The following SLC9A4 variants were observed in gnomAD, a reference collection of about 807,000 sequenced individuals.
SLC9A4 encodes the protein solute carrier family 9 member A4.
In SLC9A4, 63 loss-of-function variants were observed where a neutral mutation model predicts 67.4. That is an observed-to-expected ratio of 0.93 (90% CI 0.76 to 1.15). The LOEUF is 1.15. Among genes scored for constraint, SLC9A4 ranks in the 50% most tolerant of loss-of-function variants. SLC9A4 has a pLI of 0.00. For synonymous variants in SLC9A4, 393 were observed against 367.2 expected (o/e 1.07, Z -0.80); for missense variants, 1,089 against 987.7 (o/e 1.10, Z -1.38).
At chr2:102,477,566 A>T (rs138481991) in intron 1 of SLC9A4, among the ~76,000 whole-genome samples, 171 of 152,302 alleles carry the variant, frequency 1.1e-3, no homozygotes, top group Non-Finnish European at 1.7e-3. Context: ...TGCACAAAAC[A>T]TAGTAGACAG....
intron 8 of SLC9A4, among the ~76,000 whole-genome samples, chr2:102,518,101 C>G (rs1361853388): frequency 6.6e-6 from 1 of 152,170 alleles, no homozygotes; most frequent in African/African-American, 2.4e-5. Context: ...TGCGGCTTCT[C>G]AGTGTGGCTC....
At position 102,479,221 on chromosome 2, in the gene SLC9A4, C is replaced by A. The variant is rs141370944; in HGVS notation, c.639C>A (p.Ala213=). ...ISAVDPVAVL[A]VFEEARVNEQ... Reference sequence around the variant, plus strand: ...CCGTGGACCCAGTGGCCGTGCTAGCCGTGTTTGAGGAAGCGCGCGTGAACG... The same window carrying A: ...CCGTGGACCCAGTGGCCGTGCTAGCAGTGTTTGAGGAAGCGCGCGTGAACG... The change falls in exon 2 of 12, where the codon GCC becomes GCA. Residue 213 remains alanine, a synonymous_variant. Coordinates refer to ENST00000295269, the MANE Select transcript of SLC9A4 (RefSeq NM_001011552.4). 1.9e-6 allele frequency: 3 copies of A among 1,614,162 alleles called. No homozygotes were observed. Among genetic ancestry groups the A allele is most frequent in the Non-Finnish European group, 1.7e-6 (2 of 1,180,036 alleles).
chr2:102,528,088 A>G (rs1332628186), intron 11 of SLC9A4, among the ~76,000 whole-genome samples: 1 of 151,950 alleles, frequency 6.6e-6, no homozygotes, highest in Non-Finnish European at 1.5e-5. Flanking sequence ...GCTCACTGTA[A>G]CCTCTGCCTC....
At chr2:102,498,125 C>A (rs1684849251) in intron 2 of SLC9A4, among the ~76,000 whole-genome samples, 1 of 152,210 alleles carries the variant, frequency 6.6e-6, no homozygotes, top group Non-Finnish European at 1.5e-5. Flanking sequence ...ATTGGCTGAG[C>A]TTTTCCCTTC....
At chr2:102,501,044 C>CT (rs11443915) in intron 2 of SLC9A4, among the ~76,000 whole-genome samples, 116,794 of 150,866 alleles carry the variant, frequency 0.77, 46,414 homozygotes, top group African/African-American at 0.93. Flanking sequence ...ACGGCAACCT[C>CT]GCCTCTCGGG....
At chr2:102,529,075 C>T (rs1052211419) in intron 11 of SLC9A4, among the ~76,000 whole-genome samples, 1 of 152,136 alleles carries the variant, frequency 6.6e-6, no homozygotes, top group East Asian at 1.9e-4. Flanking sequence ...AGTAGATGTG[C>T]AAGAAATATT....
chr2:102,514,505 G>C (rs373565440), intron 8 of SLC9A4, among the ~76,000 whole-genome samples: 13 of 152,150 alleles, frequency 8.5e-5, no homozygotes, highest in African/African-American at 2.2e-4. Flanking sequence ...TCTTTGGGAG[G>C]GAAGGGCAAG....
intron 11 of SLC9A4, among the ~76,000 whole-genome samples, chr2:102,528,063 A>G (rs948482219): frequency 6.6e-6 from 1 of 152,090 alleles, no homozygotes; most frequent in African/African-American, 2.4e-5. Context: ...GCTGGAATGC[A>G]GTGGAGCGAT....
chr2:102,479,794 T>C (rs978990465), intron 2 of SLC9A4, among the ~76,000 whole-genome samples: 2 of 152,180 alleles, frequency 1.3e-5, no homozygotes, highest in African/African-American at 4.8e-5. Context: ...TGTGAAAATG[T>C]GTTAGTTTTT....
At chr2:102,489,912 A>G (rs1052138603) in intron 2 of SLC9A4, among the ~76,000 whole-genome samples, 1 of 152,186 alleles carries the variant, frequency 6.6e-6, no homozygotes, top group South Asian at 2.1e-4. Context: ...TAAACTGCCC[A>G]TGACAGAGTT....
intron 6 of SLC9A4, 33 bp downstream of exon 6, chr2:102,508,966 A>G: frequency 1.3e-6 from 2 of 1,557,042 alleles, no homozygotes; most frequent in Non-Finnish European, 1.8e-6. Flanking sequence ...TTAATAAATT[A>G]ACAAGACATT....
chr2:102,508,247 C>A lies in SLC9A4; in HGVS notation c.1367C>A (p.Thr456Asn). The change falls in exon 5 of 12, where the codon ACT becomes AAT. Residue 456 changes from threonine to asparagine, a missense_variant. By Grantham distance (65) the Thr-to-Asn change is moderately conservative (BLOSUM62 0). Transcript: ENST00000295269. Reference protein sequence around the residue: ...FPRKKMFVTATLVVIYFTVFI... With the variant: ...FPRKKMFVTANLVVIYFTVFI... ...AGGAAGAAAATGTTTGTCACTGCTACTCTAGTAGTTATATACTTTACTGTA... is the reference window on the plus strand; with the variant it reads ...AGGAAGAAAATGTTTGTCACTGCTAATCTAGTAGTTATATACTTTACTGTA... The A allele has an allele frequency of 6.2e-7, 1 of 1,613,870 alleles. No homozygotes were observed. The highest frequency in any genetic ancestry group is 8.5e-7 in the Non-Finnish European group (1 of 1,179,816).
At chr2:102,474,732 C>T (rs1401150029) in intron 1 of SLC9A4, among the ~76,000 whole-genome samples, 1 of 152,206 alleles carries the variant, frequency 6.6e-6, no homozygotes, top group Non-Finnish European at 1.5e-5. Context: ...TCCCTAACTG[C>T]TCCTCCTTAT....
At chr2:102,480,053 A>G (rs143310021) in intron 2 of SLC9A4, among the ~76,000 whole-genome samples, 3 of 152,330 alleles carry the variant, frequency 2.0e-5, no homozygotes, top group African/African-American at 7.2e-5. Flanking sequence ...ACTTTCATAT[A>G]CTTTTCTTAT....
intron 2 of SLC9A4, among the ~76,000 whole-genome samples, chr2:102,488,306 C>T (rs1684629045): frequency 6.6e-6 from 1 of 152,076 alleles, no homozygotes; most frequent in South Asian, 2.1e-4. Context: ...TGCTGGCTGA[C>T]AAATAGTTTC....
At chr2:102,479,787 G>A (rs980203810) in intron 2 of SLC9A4, among the ~76,000 whole-genome samples, 4 of 152,174 alleles carry the variant, frequency 2.6e-5, no homozygotes, top group Admixed American at 2.6e-4. Flanking sequence ...ACAGATTTGT[G>A]AAAATGTGTT....
intron 9 of SLC9A4, among the ~76,000 whole-genome samples, chr2:102,523,272 C>A (rs1674582770): frequency 6.6e-6 from 1 of 152,118 alleles, no homozygotes; most frequent in South Asian, 2.1e-4. Context: ...CCTTGGCAGT[C>A]CAGTTTACAC....
chr2:102,487,233 G>C (rs1249570279), intron 2 of SLC9A4, among the ~76,000 whole-genome samples: 1 of 151,776 alleles, frequency 6.6e-6, no homozygotes, highest in Admixed American at 6.6e-5. Flanking sequence ...AGTAAACCAA[G>C]AGAGAGAGAA....
At position 102,483,448 on chromosome 2, in the gene SLC9A4, G is replaced by A. The variant is rs566427545; in HGVS notation, c.720+4146G>A. On this transcript the variant is annotated intron_variant, in intron 2 of 11. Coordinates refer to ENST00000295269, the MANE Select transcript of SLC9A4 (RefSeq NM_001011552.4). ...CATGCCTTTTCGGCAAGGAGGCTGA[G>A]TCATCCAGAAGGTGGCCTGTGATTG... 3.3e-5 allele frequency among the ~76,000 whole-genome samples: 5 copies of A among 152,310 alleles called. No individual in the cohort carries two copies. In the South Asian group the frequency reaches 1.0e-3, roughly 32 times the overall value.
Sources: allele counts gnomAD v4.1 joint callset (sites outside exome capture counted in the v4.1 genomes callset), GRCh38; gene constraint gnomAD v4.1.1; transcripts MANE v1.5; gene names NCBI Gene and HGNC (gene_info 2026-07-23, HGNC 2026-07-21).